CDYL: variants seen among roughly 807,000 people sequenced by gnomAD.
The protein encoded by CDYL is chromodomain Y like, also known as chromodomain Y-like protein.
A neutral mutation model predicts 47.3 loss-of-function variants in CDYL; 8 were observed. That is an observed-to-expected ratio of 0.17 (90% CI 0.10 to 0.31). CDYL has a LOEUF of 0.31. Among genes scored for constraint, CDYL ranks in the 10% least tolerant of loss-of-function variants. The probability of loss-of-function intolerance (pLI) is 1.00; values close to 1 mark genes in which losing one functional copy is unlikely to be tolerated. For synonymous variants in CDYL, 266 were observed against 265.0 expected (o/e 1.00, Z -0.04); for missense variants, 471 against 701.4 (o/e 0.67, Z 3.71).
chr6:4,827,069 A>G (rs1389521469), intron 1 of CDYL, among the ~76,000 whole-genome samples: 1 of 152,022 alleles, frequency 6.6e-6, no homozygotes, highest in Non-Finnish European at 1.5e-5. Flanking sequence ...GTGTCTTGTT[A>G]CAGTTTTTGA....
chr6:4,855,571 G>T (rs936065562), intron 1 of CDYL, among the ~76,000 whole-genome samples: 3 of 152,114 alleles, frequency 2.0e-5, no homozygotes, highest in Non-Finnish European at 2.9e-5. Flanking sequence ...TTTTCACACA[G>T]TTTTTTTCCA....
At chr6:4,830,433 A>G (rs1403726782) in intron 1 of CDYL, among the ~76,000 whole-genome samples, 2 of 151,996 alleles carry the variant, frequency 1.3e-5, no homozygotes, top group Non-Finnish European at 2.9e-5. Context: ...AGATCAGGCT[A>G]CCCCATTGTG....
chr6:4,899,794 C>T (rs1221543839), intron 2 of CDYL, among the ~76,000 whole-genome samples: 6 of 152,156 alleles, frequency 3.9e-5, no homozygotes, highest in South Asian at 2.1e-4. Context: ...GTTTAGGGAA[C>T]GAACCCTGCC....
At chr6:4,912,354 C>T (rs887374132) in intron 2 of CDYL, among the ~76,000 whole-genome samples, 22 of 152,230 alleles carry the variant, frequency 1.4e-4, no homozygotes, top group Admixed American at 1.4e-3. Flanking sequence ...TAGACAACCC[C>T]AGCTCATCAT....
At chr6:4,738,464 C>T (rs578064468) in intron 3 of CDYL, among the ~76,000 whole-genome samples, 2 of 152,328 alleles carry the variant, frequency 1.3e-5, no homozygotes, top group African/African-American at 2.4e-5. Context: ...AATAAATCCA[C>T]ATTTCACTCC....
At chr6:4,893,000 C>T (rs1023490674) in intron 2 of CDYL, among the ~76,000 whole-genome samples, 1 of 152,238 alleles carries the variant, frequency 6.6e-6, no homozygotes, top group Non-Finnish European at 1.5e-5. Context: ...TTGGTTGTGC[C>T]ATGACCTGTC....
chr6:4,896,086 T>A (rs1261814714), intron 2 of CDYL, among the ~76,000 whole-genome samples: 1 of 152,228 alleles, frequency 6.6e-6, no homozygotes, highest in Non-Finnish European at 1.5e-5. Context: ...CCCTGTATAC[T>A]GCTGAGAATA....
chr6:4,838,639 C>T (rs984948841), intron 1 of CDYL, among the ~76,000 whole-genome samples: 1 of 151,808 alleles, frequency 6.6e-6, no homozygotes, highest in Non-Finnish European at 1.5e-5. Context: ...ACTTCTTTTC[C>T]TCTGGGAAGA....
At position 4,895,445 on chromosome 6, in the gene CDYL, A is replaced by ATG. The variant is rs768672049; in HGVS notation, c.691+3067_691+3068dup. Among the ~76,000 whole-genome samples, 4 of 88,728 alleles carry ATG rather than the reference A, an allele frequency of 4.5e-5. 2 individuals carry two copies. The highest frequency in any genetic ancestry group is 1.6e-4 in the African/African-American group (4 of 25,588). 58.2% of individuals were successfully genotyped at this position (88,728 alleles called of 152,430 possible). A position where few individuals can be genotyped will look rare whatever the true frequency, so the allele number is the denominator to read the frequency against. ...TGCATGTATACATGTATACGTATAT[A>ATG]TGCATATATACATGTATACATATAT... On this transcript the variant is annotated intron_variant, in intron 2 of 6. Transcript: ENST00000397588.
chr6:4,765,960 C>A (rs1758246018), intron 3 of CDYL, among the ~76,000 whole-genome samples: 1 of 151,840 alleles, frequency 6.6e-6, no homozygotes, highest in African/African-American at 2.4e-5. Context: ...ACATACCATA[C>A]AAAGAACCAA....
At chr6:4,948,019 A>G (rs570224050) in intron 5 of CDYL, among the ~76,000 whole-genome samples, 1 of 152,282 alleles carries the variant, frequency 6.6e-6, no homozygotes, top group African/African-American at 2.4e-5. Flanking sequence ...CGCACCTGAC[A>G]CCACCAGACT....
At chr6:4,919,531 G>A (rs1757652052) in intron 2 of CDYL, among the ~76,000 whole-genome samples, 1 of 152,162 alleles carries the variant, frequency 6.6e-6, no homozygotes, top group Non-Finnish European at 1.5e-5. Context: ...TCCACGATGA[G>A]CATTTCCGTT....
chr6:4,873,937 A>T (rs780302946), intron 1 of CDYL, among the ~76,000 whole-genome samples: 54 of 152,134 alleles, frequency 3.5e-4, no homozygotes, highest in Non-Finnish European at 5.1e-4. Context: ...ACCTGGGTAC[A>T]CATGTGCGTG....
chr6:4,707,402 T>A (rs1757066574), intron 1 of CDYL, among the ~76,000 whole-genome samples: 1 of 152,152 alleles, frequency 6.6e-6, no homozygotes, highest in Non-Finnish European at 1.5e-5. Flanking sequence ...CTCAGCCTCC[T>A]GAGTAGCTGG....
At chr6:4,903,690 G>A (rs551327746) in intron 2 of CDYL, among the ~76,000 whole-genome samples, 7 of 152,158 alleles carry the variant, frequency 4.6e-5, no homozygotes, top group South Asian at 4.1e-4. Flanking sequence ...TTGTGTGCTC[G>A]GCCCCTGCAG....
intron 1 of CDYL, among the ~76,000 whole-genome samples, chr6:4,847,323 T>TC (rs1760691766): frequency 6.6e-6 from 1 of 152,202 alleles, no homozygotes; most frequent in Admixed American, 6.5e-5. Context: ...CTGTTGTAGG[T>TC]CCCCAGTGTC....
chr6:4,860,914 A>T (rs761275337), intron 1 of CDYL, among the ~76,000 whole-genome samples: 2 of 152,092 alleles, frequency 1.3e-5, no homozygotes, highest in African/African-American at 2.4e-5. Context: ...TGAAGGGTAG[A>T]TCTGCCTTCC....
chr6:4,789,957 C>T (rs1169578697), intron 1 of CDYL, among the ~76,000 whole-genome samples: 1 of 152,266 alleles, frequency 6.6e-6, no homozygotes, highest in Middle Eastern at 3.4e-3. Context: ...CCTTTGTGCT[C>T]CCCCTTCCCT....
intron 1 of CDYL, among the ~76,000 whole-genome samples, chr6:4,778,374 T>G (rs979632296): frequency 1.3e-5 from 2 of 152,254 alleles, no homozygotes; most frequent in Non-Finnish European, 2.9e-5. Context: ...GTAAGAATGA[T>G]TCTGAAGACA....
Sources: allele counts gnomAD v4.1 joint callset (sites outside exome capture counted in the v4.1 genomes callset), GRCh38; gene constraint gnomAD v4.1.1; transcripts MANE v1.5; gene names NCBI Gene and HGNC (gene_info 2026-07-23, HGNC 2026-07-21).